The following DPYD variants were observed in gnomAD, a reference collection of about 807,000 sequenced individuals.
DPYD encodes dihydropyrimidine dehydrogenase.
A neutral mutation model predicts 116.2 loss-of-function variants in DPYD; 109 were observed. That is an observed-to-expected ratio of 0.94 (90% CI 0.80 to 1.10). DPYD has a LOEUF of 1.10. DPYD is among the 50% of genes least tolerant of loss of function. DPYD has a pLI of 0.00. For synonymous variants in DPYD, 440 were observed against 432.0 expected, an observed-to-expected ratio of 1.02 and a Z score of -0.23; for missense variants, 1,302 against 1,254.5, an observed-to-expected ratio of 1.04 and a Z score of -0.57.
chr1:97,678,722 C>T (rs1261639788), intron 8 of DPYD, among the ~76,000 whole-genome samples: 2 of 152,164 alleles, frequency 1.3e-5, no homozygotes, highest in African/African-American at 2.4e-5. Flanking sequence ...AACGAGCCAA[C>T]TCCATCCTTT....
chr1:97,339,793 G>A (rs1326603041), intron 16 of DPYD, among the ~76,000 whole-genome samples: 1 of 152,142 alleles, frequency 6.6e-6, no homozygotes, highest in Non-Finnish European at 1.5e-5. Context: ...TTATAAGACA[G>A]TGTTCTTAAA....
At chr1:97,260,208 A>T (rs967837960) in intron 18 of DPYD, among the ~76,000 whole-genome samples, 2 of 152,110 alleles carry the variant, frequency 1.3e-5, no homozygotes, top group Admixed American at 6.6e-5. Context: ...GTCAGCTAAT[A>T]AGTACTATAG....
At chr1:97,395,225 G>C (rs1240811449) in intron 14 of DPYD, among the ~76,000 whole-genome samples, 1 of 151,058 alleles carries the variant, frequency 6.6e-6, no homozygotes, top group East Asian at 2.0e-4. Flanking sequence ...ACATTCTAGA[G>C]ACAGAATAAG....
At chr1:97,766,302 T>C (rs1665853606) in intron 3 of DPYD, among the ~76,000 whole-genome samples, 1 of 151,994 alleles carries the variant, frequency 6.6e-6, no homozygotes, top group Non-Finnish European at 1.5e-5. Flanking sequence ...ATATACCTAA[T>C]GGATTTATGA....
chr1:97,077,827 G>A lies in DPYD; in HGVS notation c.*1149C>T, dbSNP rs1477934640. 1 of 152,072 alleles carries A rather than the reference G, an allele frequency of 6.6e-6. No homozygotes were observed. Among genetic ancestry groups the A allele is most frequent in the Non-Finnish European group, 1.5e-5 (1 of 67,998 alleles). The allele number at this position is 152,072 out of a possible 1,614,324, so 9.4% of individuals were successfully genotyped here. ...ATATGCATTTCTAAAAGTGCATAAT[G>A]AAACATTTTATTTTTCTAGCTCTTG... On this transcript the variant is annotated 3_prime_UTR_variant, in exon 23 of 23. Transcript: ENST00000370192.
At chr1:97,517,306 C>G (rs1648301997) in intron 12 of DPYD, among the ~76,000 whole-genome samples, 1 of 151,856 alleles carries the variant, frequency 6.6e-6, no homozygotes, top group South Asian at 2.1e-4. Flanking sequence ...GATTGCTATA[C>G]TATTAAAAGG....
intron 8 of DPYD, among the ~76,000 whole-genome samples, chr1:97,677,063 G>C (rs1304849919): frequency 6.6e-6 from 1 of 151,896 alleles, no homozygotes; most frequent in East Asian, 1.9e-4. Flanking sequence ...ATACTTAAGG[G>C]GACTTAATAG....
intron 14 of DPYD, among the ~76,000 whole-genome samples, chr1:97,426,444 G>T (rs1236452118): frequency 6.6e-6 from 1 of 152,108 alleles, no homozygotes; most frequent in Non-Finnish European, 1.5e-5. Flanking sequence ...GGAGGAAGAA[G>T]AGAAAGAAAT....
At chr1:97,451,128 T>C (rs746725722) in intron 13 of DPYD, among the ~76,000 whole-genome samples, 1 of 152,108 alleles carries the variant, frequency 6.6e-6, no homozygotes, top group Non-Finnish European at 1.5e-5. Context: ...CATTAGTATA[T>C]AGCAATTAAG....
At chr1:97,157,216 T>C (rs920512665) in intron 20 of DPYD, among the ~76,000 whole-genome samples, 4 of 151,494 alleles carry the variant, frequency 2.6e-5, no homozygotes, top group African/African-American at 7.3e-5. Context: ...TGTATACATA[T>C]GTAACTAACC....
rs776321529 is a variant in DPYD at position 97,515,769 on chromosome 1, G to T, written c.1697C>A (p.Ala566Asp). ...STSMIRRAFE[A>D]GWGFALTKTF... ...TTTGGTGAGGGCAAAACCCCATCCA[G>T]CTTCAAAAGCTCTTCGAATCATTGA... is the stretch of plus-strand genomic sequence containing the variant. The change falls in exon 13 of 23, where the codon GCT becomes GAT. Residue 566 changes from alanine to aspartate, a missense_variant. Physicochemically the swap from Ala to Asp is moderately radical, Grantham distance 126. Coordinates refer to ENST00000370192, the MANE Select transcript of DPYD (RefSeq NM_000110.4). 1 of 1,612,680 alleles carries T rather than the reference G, an allele frequency of 6.2e-7. No individual in the cohort carries two copies. Among genetic ancestry groups the T allele is most frequent in the South Asian group, 1.1e-5 (1 of 91,062 alleles).
At chr1:97,821,765 C>A (rs1446893104) in intron 3 of DPYD, among the ~76,000 whole-genome samples, 2 of 152,118 alleles carry the variant, frequency 1.3e-5, no homozygotes, top group Non-Finnish European at 2.9e-5. Flanking sequence ...ATACATTACA[C>A]ATGTAATTCT....
chr1:97,274,820 G>A (rs1664834290), intron 18 of DPYD, among the ~76,000 whole-genome samples: 1 of 152,136 alleles, frequency 6.6e-6, no homozygotes, highest in Non-Finnish European at 1.5e-5. Context: ...CCTAGTGTGT[G>A]GGTCTAGGGA....
At chr1:97,132,235 T>A (rs1314623183) in intron 20 of DPYD, among the ~76,000 whole-genome samples, 3 of 152,192 alleles carry the variant, frequency 2.0e-5, no homozygotes, top group Non-Finnish European at 4.4e-5. Flanking sequence ...AACAGGAACA[T>A]CGTTCCTGGC....
At chr1:97,901,001 T>A (rs1673341477) in intron 1 of DPYD, among the ~76,000 whole-genome samples, 2 of 151,880 alleles carry the variant, frequency 1.3e-5, no homozygotes, top group African/African-American at 4.8e-5. Context: ...TGTCTTTTAT[T>A]CGAAAAAAAT....
chr1:97,540,177 C>T (rs1650319656), intron 12 of DPYD, among the ~76,000 whole-genome samples: 1 of 151,868 alleles, frequency 6.6e-6, no homozygotes, highest in African/African-American at 2.4e-5. Flanking sequence ...GCTCATTCCC[C>T]AAAACTGCCC....
intron 13 of DPYD, among the ~76,000 whole-genome samples, chr1:97,458,864 C>T (rs1676853470): frequency 6.6e-6 from 1 of 152,058 alleles, no homozygotes; most frequent in African/African-American, 2.4e-5. Flanking sequence ...CAGACCCTCT[C>T]TGAAAGAATT....
At chr1:97,764,357 C>T (rs1324746047) in intron 3 of DPYD, among the ~76,000 whole-genome samples, 2 of 151,892 alleles carry the variant, frequency 1.3e-5, no homozygotes, top group Non-Finnish European at 2.9e-5. Flanking sequence ...AATATTTTCC[C>T]ATTCCCTACT....
chr1:97,529,706 TTC>T (rs1649431397), intron 12 of DPYD, among the ~76,000 whole-genome samples: 1 of 151,774 alleles, frequency 6.6e-6, no homozygotes, highest in Admixed American at 6.6e-5. Flanking sequence ...CCTTTCTTTT[TTC>T]TTTCTTCCTT....
Sources: gnomAD v4.1 joint callset for allele counts (sites outside exome capture counted in the v4.1 genomes callset) on GRCh38, gnomAD v4.1.1 for gene constraint, MANE v1.5 for transcripts, NCBI Gene and HGNC (gene_info 2026-07-23, HGNC 2026-07-21) for gene names.